PRKAR1B: variants seen among roughly 807,000 people sequenced by gnomAD.
PRKAR1B encodes cAMP-dependent protein kinase type I-beta regulatory subunit.
Under a neutral mutation model 46.5 loss-of-function variants are expected in PRKAR1B, and 22 were observed. That is an observed-to-expected ratio of 0.47 (90% CI 0.34 to 0.68). PRKAR1B has a LOEUF of 0.68. PRKAR1B is among the 30% of genes least tolerant of loss of function. The pLI is 0.01. For synonymous variants in PRKAR1B, 259 were observed against 217.7 expected (o/e 1.19, Z -1.67); for missense variants, 445 against 535.6 (o/e 0.83, Z 1.67).
At chr7:639,505 A>G (rs578258966) in intron 4 of PRKAR1B, among the ~76,000 whole-genome samples, 5 of 152,376 alleles carry the variant, frequency 3.3e-5, no homozygotes, top group Admixed American at 1.3e-4. Flanking sequence ...ATCTTCATTA[A>G]TGTGGGTGAA....
At chr7:561,149 A>C (rs1379972464) in intron 9 of PRKAR1B, among the ~76,000 whole-genome samples, 4 of 146,342 alleles carry the variant, frequency 2.7e-5, no homozygotes, top group African/African-American at 5.1e-5. Context: ...ACACACACAC[A>C]CCTGTGCACA....
At chr7:709,714 C>G (rs796980112) in intron 2 of PRKAR1B, among the ~76,000 whole-genome samples, 3 of 152,260 alleles carry the variant, frequency 2.0e-5, no homozygotes, top group African/African-American at 7.2e-5. Flanking sequence ...GTTGCCCAGG[C>G]TGGAGTGCAG....
intron 7 of PRKAR1B, among the ~76,000 whole-genome samples, chr7:589,900 G>GCCC (rs906704304): frequency 6.6e-6 from 1 of 152,236 alleles, no homozygotes; most frequent in African/African-American, 2.4e-5. Flanking sequence ...GGACGATCCA[G>GCCC]CCCCTGGATG....
intron 2 of PRKAR1B, among the ~76,000 whole-genome samples, chr7:681,083 T>C (rs552973519): frequency 7.2e-4 from 110 of 152,224 alleles, no homozygotes; most frequent in African/African-American, 2.6e-3. Flanking sequence ...TGAGGGAGTT[T>C]TCACAAGATC....
In PRKAR1B at chr7:667,957, A is replaced by G. The variant is rs1786025190; in HGVS notation, c.440+9272T>C. ...TTCCTTTAAATCAAAGGTCTTAAAC[A>G]TAATTTCTACCCTTCTCCAAGCTTA... On this transcript the variant is annotated intron_variant, in intron 4 of 10. Coordinates refer to ENST00000537384, the MANE Select transcript of PRKAR1B (RefSeq NM_001164760.2). The surrounding 1 kb of genome is among the most constrained non-coding windows in gnomAD (Gnocchi z 4.3). Among the ~76,000 whole-genome samples, 1 of 152,224 alleles carries G rather than the reference A, an allele frequency of 6.6e-6. No homozygotes were observed. Among genetic ancestry groups the G allele is most frequent in the Non-Finnish European group, 1.5e-5 (1 of 68,040 alleles).
chr7:613,442 G>A (rs564091604), intron 4 of PRKAR1B, among the ~76,000 whole-genome samples: 22 of 152,268 alleles, frequency 1.4e-4, no homozygotes, highest in African/African-American at 5.3e-4. Context: ...ACAAAAATGT[G>A]CTTTTCTGAG....
intron 8 of PRKAR1B, 38 bp downstream of exon 8, chr7:584,470 G>A: frequency 6.3e-7 from 1 of 1,598,502 alleles, no homozygotes; most frequent in Non-Finnish European, 8.6e-7. Context: ...GCGCCCAGAT[G>A]TCGGGACACA....
chr7:696,259 G>A (rs932754541), intron 2 of PRKAR1B, among the ~76,000 whole-genome samples: 6 of 151,206 alleles, frequency 4.0e-5, no homozygotes, highest in African/African-American at 7.3e-5. Flanking sequence ...CACAGCACCC[G>A]GCCCCAATGG....
intron 1 of PRKAR1B, among the ~76,000 whole-genome samples, chr7:726,143 T>G (rs1781260055): frequency 6.6e-6 from 1 of 152,144 alleles, no homozygotes; most frequent in Admixed American, 6.5e-5. Context: ...TCCCCTGTCT[T>G]GATAAATTGG....
intron 4 of PRKAR1B, among the ~76,000 whole-genome samples, chr7:655,607 T>G (rs1785149254): frequency 6.6e-6 from 1 of 152,214 alleles, no homozygotes; most frequent in South Asian, 2.1e-4. Flanking sequence ...CATTGTCTCT[T>G]CCATTAGAAA....
chr7:695,821 G>A (rs1327661209), intron 2 of PRKAR1B, among the ~76,000 whole-genome samples: 3 of 151,816 alleles, frequency 2.0e-5, no homozygotes, highest in South Asian at 2.1e-4. Context: ...CTGCCACCAT[G>A]CCCGGCTAAT....
chr7:553,308 C>T (rs527817431), intron 9 of PRKAR1B, among the ~76,000 whole-genome samples: 2 of 152,344 alleles, frequency 1.3e-5, no homozygotes, highest in Admixed American at 6.5e-5. Context: ...GCTCTGTCGC[C>T]GGCCCTGCAC....
intron 9 of PRKAR1B, among the ~76,000 whole-genome samples, chr7:578,617 CCCT>C (rs1181253318): frequency 1.3e-5 from 2 of 152,090 alleles, no homozygotes; most frequent in Non-Finnish European, 2.9e-5. Flanking sequence ...CCACCCCACT[CCCT>C]CCTCAGCTCT....
chr7:577,912 C>T (rs536504620), intron 9 of PRKAR1B, among the ~76,000 whole-genome samples: 29 of 152,208 alleles, frequency 1.9e-4, no homozygotes, highest in African/African-American at 7.0e-4. Flanking sequence ...CAGCTCAGGG[C>T]GCTTTTGCAG....
chr7:688,000 G>A (rs1428557229), intron 2 of PRKAR1B, among the ~76,000 whole-genome samples: 1 of 150,418 alleles, frequency 6.6e-6, no homozygotes, highest in Non-Finnish European at 1.5e-5. Flanking sequence ...GGAGGCTCAG[G>A]CAGGAGAATC....
intron 4 of PRKAR1B, among the ~76,000 whole-genome samples, chr7:612,642 C>CTGGAAGGATGAA (rs1452447156): frequency 6.6e-6 from 1 of 152,118 alleles, no homozygotes; most frequent in Non-Finnish European, 1.5e-5. Context: ...AAACGGATGC[C>CTGGAAGGATGAA]TGGAAGGATG....
At chr7:660,176 T>C (rs1030544772) in intron 4 of PRKAR1B, among the ~76,000 whole-genome samples, 1 of 151,856 alleles carries the variant, frequency 6.6e-6, no homozygotes, top group Non-Finnish European at 1.5e-5. Flanking sequence ...CCCAGCCTTC[T>C]CCCGGCTCCA....
At chr7:621,730 A>G (rs1167031659) in intron 4 of PRKAR1B, among the ~76,000 whole-genome samples, 2 of 152,204 alleles carry the variant, frequency 1.3e-5, no homozygotes, top group Non-Finnish European at 2.9e-5. Flanking sequence ...ACAAGTCCCA[A>G]CCTTGCCTGG....
intron 7 of PRKAR1B, among the ~76,000 whole-genome samples, chr7:587,806 G>A (rs1780684224): frequency 6.6e-6 from 1 of 152,232 alleles, no homozygotes; most frequent in South Asian, 2.1e-4. Context: ...ATGAAGGAAG[G>A]GAGATGGATT....
Sources: gnomAD v4.1 joint callset for allele counts (sites outside exome capture counted in the v4.1 genomes callset) on GRCh38, gnomAD v4.1.1 for gene constraint, Gnocchi (gnomAD v3.1) non-coding constraint, MANE v1.5 for transcripts, NCBI Gene and HGNC (gene_info 2026-07-23, HGNC 2026-07-21) for gene names.